The following CCDC88C variants were observed in gnomAD, a reference collection of about 807,000 sequenced individuals.
CCDC88C encodes the protein coiled-coil and HOOK domain protein 88C, also known as protein Daple.
In CCDC88C, 131 loss-of-function variants were observed where a neutral mutation model predicts 198.8. The ratio of observed to expected loss-of-function variants is 0.66; its 90% CI spans 0.57 to 0.76. The LOEUF (loss-of-function observed/expected upper bound fraction) is 0.76. CCDC88C is among the 30% of genes least tolerant of loss of function. The pLI, the probability that CCDC88C is intolerant of heterozygous loss-of-function variation, is 0.00. For synonymous variants in CCDC88C, 1,166 were observed against 1,114.7 expected (o/e 1.05, Z -0.92); for missense variants, 2,553 against 2,631.6 (o/e 0.97, Z 0.65).
chr14:91,292,277 C>T (rs899889761), intron 23 of CCDC88C, among the ~76,000 whole-genome samples: 8 of 152,182 alleles, frequency 5.3e-5, no homozygotes, highest in African/African-American at 1.9e-4. Context: ...GCCCCACAGA[C>T]TCACACGAAC....
intron 3 of CCDC88C, among the ~76,000 whole-genome samples, chr14:91,398,807 CTT>C (rs1443743631): frequency 1.3e-5 from 2 of 152,222 alleles, no homozygotes; most frequent in Non-Finnish European, 2.9e-5. Context: ...CTGCAGCCCT[CTT>C]GTCTGGCTGA....
rs1470506524 is a variant in CCDC88C at position 91,283,367 on chromosome 14, T to C, written c.4592A>G (p.Asn1531Ser). The change falls in exon 26 of 30, where the codon AAC (asparagine) becomes AGC (serine). Residue 1531 changes from asparagine to serine, a missense_variant. Transcript: ENST00000389857. ...TGGGTGCCGGGCGATGGGGGTGGAG[T>C]TGGAAGGGGCTGTAGTGGTGGCTGA... Reference protein sequence around the residue: ...STSATTTAPSNSTPIARHPGR... With the variant: ...STSATTTAPSSSTPIARHPGR... The C allele has an allele frequency of 6.2e-7, 1 of 1,610,626 alleles. No individual in the cohort carries two copies. The highest frequency in any genetic ancestry group is 8.5e-7 in the Non-Finnish European group (1 of 1,178,884).
chr14:91,370,546 G>A (rs954840925), intron 3 of CCDC88C, among the ~76,000 whole-genome samples: 2 of 152,176 alleles, frequency 1.3e-5, no homozygotes, highest in Admixed American at 6.5e-5. Context: ...AGAAGGGGGC[G>A]GGGGGCAGCC....
At chr14:91,309,088 G>C (rs1209865610) in intron 16 of CCDC88C, among the ~76,000 whole-genome samples, 1 of 152,132 alleles carries the variant, frequency 6.6e-6, no homozygotes, top group African/African-American at 2.4e-5. Flanking sequence ...AATTAGCTGG[G>C]CATGGTGATG....
At position 91,352,369 on chromosome 14, in the gene CCDC88C, AAAGGAAAGCCTCG is replaced by A. The variant is rs751564771; in HGVS notation, c.340+7260_340+7272del. Among the ~76,000 whole-genome samples the A allele has an allele frequency of 4.6e-5, 7 of 152,200 alleles. No homozygotes were observed. The highest frequency in any genetic ancestry group is 1.0e-4 in the Non-Finnish European group (7 of 68,032). On this transcript the variant is annotated intron_variant, in intron 4 of 29. Transcript: ENST00000389857. The surrounding 1 kb of genome is among the most constrained non-coding windows in gnomAD (Gnocchi z 4.2). ...CAGCCAAACTCTGCACCTTCCTAGG[AAAGGAAAGCCTCG>A]GCTCCTGGCTTAAGTGCCCCAGCAC...
chr14:91,413,859 G>A (rs940369804), intron 2 of CCDC88C, among the ~76,000 whole-genome samples: 4 of 152,216 alleles, frequency 2.6e-5, no homozygotes, highest in East Asian at 1.9e-4. Flanking sequence ...TGCTCAACGC[G>A]ATTTCTTCAG....
intron 3 of CCDC88C, among the ~76,000 whole-genome samples, chr14:91,392,547 A>T (rs1885567612): frequency 6.6e-6 from 1 of 152,208 alleles, no homozygotes; most frequent in African/African-American, 2.4e-5. Flanking sequence ...TGCCTTTAGA[A>T]ATCAATTTAC....
chr14:91,289,246 G>A lies in CCDC88C; in HGVS notation c.4300C>T (p.Pro1434Ser), dbSNP rs1211600401. ...GGGTCTGAGGACTCCAGCTGCCAGG[G>A]AGGGCTGTCCACGGTGGATTTTAAG... ...ERLKSTVDSP[P>S]WQLESSDPAS... is the part of the protein sequence containing the mutation. The change falls in exon 25 of 30, where the codon CCC becomes TCC. Residue 1434 changes from proline (P) to serine (S), a missense_variant. This residue lies in a region of CCDC88C where 1,293 missense variants were observed against 1,219.6 expected (regional missense o/e 1.06). Coordinates refer to ENST00000389857, the MANE Select transcript of CCDC88C (RefSeq NM_001080414.4). The A allele has an allele frequency of 1.9e-6, 3 of 1,613,968 alleles. No individual in the cohort carries two copies. Among genetic ancestry groups the A allele is most frequent in the Non-Finnish European group, 8.5e-7 (1 of 1,179,918 alleles).
Position 91,324,977 on chromosome 14 carries a change from T to C in CCDC88C, c.1198-54A>G, listed in dbSNP as rs576376822. On this transcript the variant is annotated intron_variant, in intron 11 of 29. Transcript: ENST00000389857. ...GAGGCTGCACAGCTGGAGATCCCCC[T>C]GGACAAGCCTCAGCCCCTGTATAGC... 16 of 1,607,342 alleles carry C rather than the reference T, an allele frequency of 1.0e-5. No individual in the cohort carries two copies. The African/African-American group carries it at 1.9e-4, about 19-fold the overall frequency.
chr14:91,415,514 C>G (rs1479476757), intron 2 of CCDC88C, among the ~76,000 whole-genome samples: 2 of 152,094 alleles, frequency 1.3e-5, no homozygotes, highest in African/African-American at 4.8e-5. Flanking sequence ...CACCTGAGGT[C>G]GGGAGTTCGA....
In CCDC88C at chr14:91,309,889, A is replaced by G. The variant is rs1278609657; in HGVS notation, c.2834T>C (p.Leu945Pro). 1.2e-6 allele frequency: 2 copies of G among 1,612,400 alleles called. No homozygotes were observed. The highest frequency in any genetic ancestry group is 2.2e-5 in the South Asian group (2 of 90,846). ...ACTGCCGCTGTCGTCCTCCTGCAAC[A>G]GCAGCTCCCTGTTGAGGCCGACCTT... ...LEKVGLNREL[L>P]LQEDDSGSDT... The change falls in exon 16 of 30, where the codon CTG (leucine) becomes CCG (proline). Residue 945 changes from leucine (L) to proline (P), a missense_variant. By Grantham distance (98) the Leu-to-Pro change is moderately conservative. Coordinates refer to ENST00000389857, the MANE Select transcript of CCDC88C (RefSeq NM_001080414.4).
intron 3 of CCDC88C, among the ~76,000 whole-genome samples, chr14:91,389,160 C>G (rs1885328449): frequency 6.6e-6 from 1 of 152,158 alleles, no homozygotes; most frequent in Non-Finnish European, 1.5e-5. Flanking sequence ...GCCCTTATGG[C>G]CTCAGCAGCT....
intron 3 of CCDC88C, among the ~76,000 whole-genome samples, chr14:91,374,119 G>A (rs929788522): frequency 3.0e-4 from 46 of 152,238 alleles, no homozygotes; most frequent in African/African-American, 1.1e-3. Context: ...AATGGAACTG[G>A]CTGCGGGGAG....
chr14:91,278,337 C>A, intron 28 of CCDC88C, 126 bp from the exon 29 acceptor site: 1 of 915,840 alleles, frequency 1.1e-6, no homozygotes, highest in Non-Finnish European at 1.5e-6. Flanking sequence ...CCCGAAAACC[C>A]AGGGCTTATT....
chr14:91,366,972 T>G (rs1205466091), intron 3 of CCDC88C, among the ~76,000 whole-genome samples: 1 of 152,228 alleles, frequency 6.6e-6, no homozygotes, highest in Non-Finnish European at 1.5e-5. Flanking sequence ...CTGGGAAAGA[T>G]GCAGGTGGAA....
intron 3 of CCDC88C, among the ~76,000 whole-genome samples, chr14:91,360,897 T>C (rs1221890966): frequency 6.6e-6 from 1 of 152,134 alleles, no homozygotes; most frequent in Non-Finnish European, 1.5e-5. Context: ...ACGCTTGTAA[T>C]CCCAGCACTT....
chr14:91,410,526 T>G (rs568600692), intron 2 of CCDC88C, among the ~76,000 whole-genome samples: 1 of 152,232 alleles, frequency 6.6e-6, no homozygotes, highest in South Asian at 2.1e-4. Context: ...CATTTACATG[T>G]TACATGTTTC....
At position 91,274,070 on chromosome 14, in the gene CCDC88C, C is replaced by T. The variant is rs184144494; in HGVS notation, c.5059-417G>A. Among the ~76,000 whole-genome samples the T allele has an allele frequency of 1.9e-3, 283 of 151,852 alleles. 1 individual carries two copies. The highest frequency in any genetic ancestry group is 6.6e-3 in the African/African-American group (274 of 41,360). On this transcript the variant is annotated intron_variant, in intron 29 of 29. Coordinates refer to ENST00000389857, the MANE Select transcript of CCDC88C (RefSeq NM_001080414.4). ...CAGGGCCTTCCTTCCCCGGTCACCCCGGGACATCATAAGGACTTCACCTTG... is the reference window on the plus strand; with the variant it reads ...CAGGGCCTTCCTTCCCCGGTCACCCTGGGACATCATAAGGACTTCACCTTG...
At position 91,315,544 on chromosome 14, in the gene CCDC88C, G is replaced by A. The variant is rs940970001; in HGVS notation, c.1665+106C>T. ...TTAAGCTGTGGCTAAGCTAGGTAAC[G>A]GATAATCCATGCATCCACAATACAG... On this transcript the variant is annotated intron_variant, in intron 14 of 29. Transcript: ENST00000389857. 19 of 1,255,062 alleles carry A rather than the reference G, an allele frequency of 1.5e-5. No homozygotes were observed. In the East Asian group the frequency reaches 1.7e-4, roughly 11 times the overall value. 77.7% of individuals were successfully genotyped at this position (1,255,062 alleles called of 1,614,324 possible). A position where few individuals can be genotyped will look rare whatever the true frequency, so the allele number is the denominator to read the frequency against.
Sources: allele counts gnomAD v4.1 joint callset (sites outside exome capture counted in the v4.1 genomes callset), GRCh38; gene constraint gnomAD v4.1.1; regional missense constraint gnomAD v4.1.1; non-coding constraint Gnocchi (gnomAD v3.1); transcripts MANE v1.5; gene names NCBI Gene and HGNC (gene_info 2026-07-23, HGNC 2026-07-21).